The following LINGO1 variants were observed in gnomAD, a reference collection of about 807,000 sequenced individuals.
LINGO1 encodes the protein leucine rich repeat and Ig domain containing 1, also known as leucine-rich repeat and immunoglobulin-like domain-containing nogo receptor-interacting protein 1.
Under a neutral mutation model 37.3 loss-of-function variants are expected in LINGO1, and 11 were observed. That is an observed-to-expected ratio of 0.29 (90% confidence interval 0.19 to 0.49). LINGO1 has a LOEUF of 0.49. Ranked by LOEUF, LINGO1 falls within the 20% of genes least tolerant of loss-of-function variation. The probability of loss-of-function intolerance (pLI) is 0.99; values close to 1 mark genes in which losing one functional copy is unlikely to be tolerated. For synonymous variants in LINGO1, 387 were observed against 403.0 expected, an observed-to-expected ratio of 0.96 and a Z score of 0.48; for missense variants, 585 against 878.2, an observed-to-expected ratio of 0.67 and a Z score of 4.22.
chr15:77,808,044 T>C (rs2076974398), intron 1 of LINGO1, among the ~76,000 whole-genome samples: 3 of 152,214 alleles, frequency 2.0e-5, no homozygotes, highest in African/African-American at 4.8e-5. Context: ...GCCTTACCCA[T>C]GCAGGCTTGG....
intron 3 of LINGO1, among the ~76,000 whole-genome samples, chr15:77,676,163 G>C (rs998008399): frequency 6.6e-6 from 1 of 152,216 alleles, no homozygotes; most frequent in Non-Finnish European, 1.5e-5. Context: ...GGGGGATCAG[G>C]AAATGCCCTT....
At chr15:77,749,146 G>T (rs889424507) in intron 1 of LINGO1, among the ~76,000 whole-genome samples, 8 of 151,924 alleles carry the variant, frequency 5.3e-5, no homozygotes, top group African/African-American at 1.9e-4. Flanking sequence ...GACCTTAGGT[G>T]ATCCGCCTGC....
upstream of LINGO1, among the ~76,000 whole-genome samples, chr15:77,638,107 C>T (rs535781659): frequency 6.6e-6 from 1 of 152,376 alleles, no homozygotes; most frequent in South Asian, 2.1e-4. Context: ...CCCAAAGGCT[C>T]TTGGAGAACT....
chr15:77,775,773 T>A (rs1003618552), intron 1 of LINGO1, among the ~76,000 whole-genome samples: 4 of 151,560 alleles, frequency 2.6e-5, no homozygotes, highest in Admixed American at 1.3e-4. Flanking sequence ...AGTCTGAAAA[T>A]TTCTCCCAGC....
chr15:77,715,444 A>G (rs1379353882), intron 2 of LINGO1, among the ~76,000 whole-genome samples: 2 of 152,348 alleles, frequency 1.3e-5, no homozygotes, highest in East Asian at 1.9e-4. Context: ...GCAGTGTCCA[A>G]GCAGAGCAGG....
chr15:77,706,180 G>A (rs1282966655), intron 2 of LINGO1, among the ~76,000 whole-genome samples: 1 of 152,048 alleles, frequency 6.6e-6, no homozygotes, highest in African/African-American at 2.4e-5. Context: ...CTTCTCCAGG[G>A]CTCCTGCCTC....
At chr15:77,631,580 G>A (rs932969098) in intron 1 of LINGO1, among the ~76,000 whole-genome samples, 1 of 152,186 alleles carries the variant, frequency 6.6e-6, no homozygotes, top group Admixed American at 6.5e-5. Flanking sequence ...AAGGGTGTGA[G>A]GGGGAGCAGG....
chr15:77,764,941 C>T lies in LINGO1; in HGVS notation c.-257+21928G>A, dbSNP rs139115051. ...AGGTCCATGTGGATGTGCAGATGAACCACGGCAGATTGAAGGCATGCATTG... is the reference window on the plus strand; with the variant it reads ...AGGTCCATGTGGATGTGCAGATGAATCACGGCAGATTGAAGGCATGCATTG... On this transcript the variant is annotated intron_variant, in intron 1 of 3. Transcript: ENST00000561686. Among the ~76,000 whole-genome samples the T allele has an allele frequency of 7.1e-3, 1,087 of 152,308 alleles. 10 individuals are homozygous for T. The highest frequency in any genetic ancestry group is 0.025 in the African/African-American group (1,023 of 41,568).
intron 2 of LINGO1, among the ~76,000 whole-genome samples, chr15:77,687,377 T>C (rs1042939606): frequency 6.6e-6 from 1 of 152,188 alleles, no homozygotes; most frequent in African/African-American, 2.4e-5. Flanking sequence ...TGTCCCCCCC[T>C]GTGAAAAGCC....
At chr15:77,680,477 C>T (rs1477642001) in intron 2 of LINGO1, among the ~76,000 whole-genome samples, 2 of 152,172 alleles carry the variant, frequency 1.3e-5, no homozygotes, top group East Asian at 3.9e-4. Flanking sequence ...TTGGGAGCCT[C>T]TAAGTAACTA....
Position 77,613,678 on chromosome 15 carries a change from TTC to T in LINGO1, c.*364_*365del, listed in dbSNP as rs1311433206. Reference sequence around the variant, plus strand: ...CGACTAGCTATAGGAAATAGTTTTTTTCTCTTTTTATTATTTCAAGTTTTCAT... The same window carrying T: ...CGACTAGCTATAGGAAATAGTTTTTTTCTTTTTATTATTTCAAGTTTTCAT... On this transcript the variant is annotated 3_prime_UTR_variant, in exon 2 of 2. Transcript: ENST00000355300. The T allele has an allele frequency of 4.2e-6, 1 of 236,474 alleles. No individual in the cohort carries two copies. The highest frequency in any genetic ancestry group is 5.0e-5 in the Admixed American group (1 of 20,200). The allele number at this position is 236,474 out of a possible 1,614,324, so 14.6% of individuals were successfully genotyped here. A position where few individuals can be genotyped will look rare whatever the true frequency, so the allele number is the denominator to read the frequency against.
intron 3 of LINGO1, among the ~76,000 whole-genome samples, chr15:77,642,985 G>C (rs906207256): frequency 6.6e-6 from 1 of 152,184 alleles, no homozygotes; most frequent in Non-Finnish European, 1.5e-5. Flanking sequence ...CCTGGGCTTG[G>C]TGCCTCTCCC....
In LINGO1 at chr15:77,613,753, T is replaced by C. The variant is rs2073584690; in HGVS notation, c.*291A>G. On this transcript the variant is annotated 3_prime_UTR_variant, in exon 2 of 2. Coordinates refer to ENST00000355300, the MANE Select transcript of LINGO1 (RefSeq NM_032808.7). The stretch of plus-strand genomic sequence containing the variant: ...CCAAGTTACAGAGAAAGTTCGTAAC[T>C]TTTTTATTGAATTATTGACTCTGCC... 5.0e-6 allele frequency: 2 copies of C among 397,644 alleles called. No individual in the cohort carries two copies. The highest frequency in any genetic ancestry group is 9.0e-6 in the Non-Finnish European group (2 of 222,152). 24.6% of individuals were successfully genotyped at this position (397,644 alleles called of 1,614,324 possible).
intron 3 of LINGO1, among the ~76,000 whole-genome samples, chr15:77,656,551 C>G (rs1435527493): frequency 6.6e-6 from 1 of 152,170 alleles, no homozygotes; most frequent in Non-Finnish European, 1.5e-5. Context: ...TCAGAGGGGC[C>G]TTGGGGTCTG....
At chr15:77,736,453 C>T (rs947406360) in intron 1 of LINGO1, among the ~76,000 whole-genome samples, 7 of 152,036 alleles carry the variant, frequency 4.6e-5, no homozygotes, top group African/African-American at 1.5e-4. Context: ...TGTGTTGATC[C>T]TCATTTTGTA....
upstream of LINGO1, among the ~76,000 whole-genome samples, chr15:77,699,002 C>T (rs1177390709): frequency 6.6e-6 from 1 of 152,086 alleles, no homozygotes; most frequent in Non-Finnish European, 1.5e-5. Flanking sequence ...GAAGACCTTC[C>T]TCAGAGGTGG....
intron 1 of LINGO1, among the ~76,000 whole-genome samples, chr15:77,776,333 A>C (rs1257283023): frequency 6.6e-6 from 1 of 152,068 alleles, no homozygotes; most frequent in Non-Finnish European, 1.5e-5. Context: ...TGCCATGCCC[A>C]GGGCCCTTCC....
upstream of LINGO1, among the ~76,000 whole-genome samples, chr15:77,637,019 A>T (rs1567477218): frequency 6.6e-6 from 1 of 151,822 alleles, no homozygotes; most frequent in Non-Finnish European, 1.5e-5. This position sits in a 1 kb window ranked among gnomAD's most constrained non-coding sequence, Gnocchi z 4.6. Context: ...CCCCCTCCTG[A>T]CCCCCTCCTC....
Position 77,614,309 on chromosome 15 carries a change from G to C in LINGO1, c.1598C>G (p.Ser533Cys). 6.2e-7 allele frequency: 1 copy of C among 1,614,014 alleles called. No homozygotes were observed. The highest frequency in any genetic ancestry group is 2.2e-5 in the East Asian group (1 of 44,874). ...HQPNKTFAFI[S>C]NQPGEGEANS... ...GGCCTCTCCCTCGCCCGGCTGGTTG[G>C]AGATGAAAGCGAAGGTCTTGTTGGG... The change falls in exon 2 of 2, where the codon TCC (serine) becomes TGC (cysteine). Residue 533 changes from serine (S) to cysteine (C), a missense_variant. By Grantham distance (112) the Ser-to-Cys change is moderately radical. Coordinates refer to ENST00000355300, the MANE Select transcript of LINGO1 (RefSeq NM_032808.7).
Sources: allele counts gnomAD v4.1 joint callset (sites outside exome capture counted in the v4.1 genomes callset), GRCh38; gene constraint gnomAD v4.1.1; non-coding constraint Gnocchi (gnomAD v3.1); transcripts MANE v1.5; gene names NCBI Gene and HGNC (gene_info 2026-07-23, HGNC 2026-07-21).